The following EPB41 variants were observed in gnomAD, a reference collection of about 807,000 sequenced individuals.
EPB41 encodes protein 4.1.
A neutral mutation model predicts 108.0 loss-of-function variants in EPB41; 65 were observed. That is an observed-to-expected ratio of 0.60 (90% CI 0.49 to 0.74). The LOEUF (loss-of-function observed/expected upper bound fraction) is 0.74, where lower values mean the gene tolerates loss of function less well. EPB41 is among the 30% of genes least tolerant of loss of function. The pLI is 0.00. For synonymous variants in EPB41, 336 were observed against 358.9 expected (o/e 0.94, Z 0.72); for missense variants, 875 against 1,037.0 (o/e 0.84, Z 2.15).
At chr1:29,042,489 T>G (rs1247909262) in intron 11 of EPB41, among the ~76,000 whole-genome samples, 2 of 150,866 alleles carry the variant, frequency 1.3e-5, no homozygotes, top group East Asian at 3.9e-4. Flanking sequence ...TTTTGTTTTG[T>G]TTTTTTTGAG....
chr1:28,907,697 A>T (rs1190813236), intron 1 of EPB41, among the ~76,000 whole-genome samples: 1 of 151,882 alleles, frequency 6.6e-6, no homozygotes, highest in Admixed American at 6.6e-5. Flanking sequence ...ACTGCAACCT[A>T]GACCTCCCAG....
chr1:29,035,261 G>C (rs561126102), intron 9 of EPB41, among the ~76,000 whole-genome samples: 13 of 152,030 alleles, frequency 8.6e-5, no homozygotes, highest in Admixed American at 2.0e-4. Context: ...GGGATTACAG[G>C]CGTAAGCCAC....
At chr1:28,994,362 G>A (rs1056743526) in intron 3 of EPB41, among the ~76,000 whole-genome samples, 1 of 151,346 alleles carries the variant, frequency 6.6e-6, no homozygotes, top group Non-Finnish European at 1.5e-5. Context: ...AAGTAGAGAC[G>A]GGGTTTCACC....
chr1:29,081,835 CAAA>C (rs34188995), intron 16 of EPB41, among the ~76,000 whole-genome samples: 2 of 126,372 alleles, frequency 1.6e-5, no homozygotes, highest in African/African-American at 3.2e-5. Flanking sequence ...AACTCTGTCT[CAAA>C]AAAAAAAAAA....
chr1:29,042,634 A>T (rs527858318), intron 11 of EPB41, among the ~76,000 whole-genome samples: 9 of 152,002 alleles, frequency 5.9e-5, no homozygotes, highest in Non-Finnish European at 1.3e-4. Flanking sequence ...ATGTGCCACC[A>T]TACCTGGCTA....
intron 18 of EPB41, among the ~76,000 whole-genome samples, chr1:29,111,986 A>C (rs1466220888): frequency 6.6e-6 from 1 of 152,128 alleles, no homozygotes; most frequent in Non-Finnish European, 1.5e-5. Context: ...CAAAAAAAAA[A>C]AAAAACAAAG....
chr1:29,104,485 A>G (rs1212304652), intron 17 of EPB41, among the ~76,000 whole-genome samples: 2 of 152,166 alleles, frequency 1.3e-5, no homozygotes, highest in African/African-American at 2.4e-5. Context: ...GCATGACCAC[A>G]GTTCACTGCA....
At chr1:28,913,288 A>G (rs992364382), upstream of EPB41, among the ~76,000 whole-genome samples, 1 of 152,020 alleles carries the variant, frequency 6.6e-6, no homozygotes, top group African/African-American at 2.4e-5. Context: ...AAATACAAAA[A>G]TTAGCTGGGC....
At chr1:28,953,365 T>G (rs897330897) in intron 1 of EPB41, among the ~76,000 whole-genome samples, 8 of 152,142 alleles carry the variant, frequency 5.3e-5, no homozygotes, top group African/African-American at 1.9e-4. Flanking sequence ...ATCTTAAAAT[T>G]GAGAAGGAAA....
At chr1:28,980,187 A>G (rs2095704050) in intron 1 of EPB41, among the ~76,000 whole-genome samples, 1 of 151,798 alleles carries the variant, frequency 6.6e-6, no homozygotes, top group African/African-American at 2.4e-5. Flanking sequence ...TACAAAAACA[A>G]ATTAGCCAGA....
At chr1:29,015,536 G>A (rs992054863) in intron 5 of EPB41, among the ~76,000 whole-genome samples, 156 bp from the exon 6 acceptor site, 4 of 151,254 alleles carry the variant, frequency 2.6e-5, no homozygotes, top group Admixed American at 6.6e-5. Context: ...TTCACGCTAC[G>A]GCACTCCAGC....
chr1:29,046,111 A>T (rs542804073), intron 11 of EPB41, among the ~76,000 whole-genome samples: 19 of 151,652 alleles, frequency 1.3e-4, no homozygotes, highest in African/African-American at 3.6e-4. Flanking sequence ...TACTAAAAAA[A>T]TTTTTTTTTA....
chr1:29,060,712 G>T (rs1646365613), intron 15 of EPB41, among the ~76,000 whole-genome samples: 1 of 152,170 alleles, frequency 6.6e-6, no homozygotes, highest in African/African-American at 2.4e-5. Context: ...AAAAATATAT[G>T]ATTGGGACTA....
chr1:29,114,430 G>C (rs533045227), intron 19 of EPB41, among the ~76,000 whole-genome samples: 1 of 152,132 alleles, frequency 6.6e-6, no homozygotes, highest in East Asian at 1.9e-4. Context: ...ATCACCTGAG[G>C]TCAGGAGTTC....
At chr1:28,980,907 G>T (rs1264293199) in intron 1 of EPB41, among the ~76,000 whole-genome samples, 1 of 151,578 alleles carries the variant, frequency 6.6e-6, no homozygotes, top group African/African-American at 2.4e-5. Flanking sequence ...CGAGTAGCGG[G>T]GATTACAGAC....
At chr1:28,985,123 C>T (rs2095845373) in intron 1 of EPB41, among the ~76,000 whole-genome samples, 1 of 151,970 alleles carries the variant, frequency 6.6e-6, no homozygotes, top group South Asian at 2.1e-4. Context: ...GCCACCATGC[C>T]CGGCTAATTT....
intron 16 of EPB41, among the ~76,000 whole-genome samples, chr1:29,067,388 T>C (rs2151044503): frequency 6.7e-6 from 1 of 149,844 alleles, no homozygotes; most frequent in East Asian, 2.0e-4. Context: ...CCCAGCTACT[T>C]GGGAGGCTGA....
chr1:28,980,150 A>G (rs1430664926), intron 1 of EPB41, among the ~76,000 whole-genome samples: 2 of 151,960 alleles, frequency 1.3e-5, no homozygotes, highest in African/African-American at 4.8e-5. Flanking sequence ...CTGGCAAAAC[A>G]TGGTGAAACC....
At chr1:29,079,673 C>T (rs995730274) in intron 16 of EPB41, among the ~76,000 whole-genome samples, 3 of 151,794 alleles carry the variant, frequency 2.0e-5, no homozygotes, top group Non-Finnish European at 2.9e-5. Context: ...AGCCTCTCAC[C>T]GCACCCAGCG....
Sources: allele counts gnomAD v4.1 joint callset (sites outside exome capture counted in the v4.1 genomes callset), GRCh38; gene constraint gnomAD v4.1.1; transcripts MANE v1.5; gene names NCBI Gene and HGNC (gene_info 2026-07-23, HGNC 2026-07-21).